The following WLS variants were observed in gnomAD, a reference collection of about 807,000 sequenced individuals.
WLS encodes Wnt ligand secretion mediator, also known as protein wntless homolog.
WLS carries 23 observed loss-of-function variants against 62.8 expected under a neutral mutation model. That is an observed-to-expected ratio of 0.37 (90% confidence interval 0.26 to 0.52). The LOEUF (loss-of-function observed/expected upper bound fraction) is 0.52. Among genes scored for constraint, WLS ranks in the 20% least tolerant of loss-of-function variants. WLS has a pLI of 0.92. For missense variants in WLS, 615 were observed against 697.3 expected (o/e 0.88, Z 1.33); for synonymous variants, 246 against 244.1 (o/e 1.01, Z -0.07).
At chr1:68,173,237 G>A (rs1005755880) in intron 2 of WLS, among the ~76,000 whole-genome samples, 51 of 152,192 alleles carry the variant, frequency 3.4e-4, no homozygotes, top group African/African-American at 1.2e-3. Flanking sequence ...AGCAAATGTG[G>A]CAACAGCACT....
At chr1:68,199,670 C>T (rs753631655) in intron 1 of WLS, among the ~76,000 whole-genome samples, 2 of 152,148 alleles carry the variant, frequency 1.3e-5, no homozygotes, top group Non-Finnish European at 2.9e-5. Flanking sequence ...AGTGCCTTGG[C>T]CTCTGCTCCC....
At position 68,194,133 on chromosome 1, in the gene WLS, T is replaced by A; in HGVS notation, c.201A>T (p.Gly67=). 20 of 1,614,114 alleles carry A rather than the reference T, an allele frequency of 1.2e-5. No individual in the cohort carries two copies. Among genetic ancestry groups the A allele is most frequent in the Non-Finnish European group, 1.6e-5 (19 of 1,180,014 alleles). The change falls in exon 2 of 12, where the codon GGA becomes GGT. Residue 67 remains glycine (G), a synonymous_variant. Transcript: ENST00000262348. ...HHKTKWFVPW[G]PNHCDKIRDI... is the part of the protein sequence containing the mutation. ...CTCGGATCTTGTCACAATGATTGGGTCCCCAAGGCACGAACCATTTTGTCT... is the reference window on the plus strand; with the variant it reads ...CTCGGATCTTGTCACAATGATTGGGACCCCAAGGCACGAACCATTTTGTCT...
In WLS at chr1:68,148,163, C is replaced by T; in HGVS notation, c.1107G>A (p.Trp369Ter). ...CCAGCTCTGTTCCAATGTCTGTAGTCCAGATACTGTAGAAGGGATTCGTGA... is the reference window on the plus strand; with the variant it reads ...CCAGCTCTGTTCCAATGTCTGTAGTTCAGATACTGTAGAAGGGATTCGTGA... ...VQLTNPFYSI[W>*]TTDIGTELAM... Residue 369 changes from tryptophan (W) to a stop codon, truncating the protein, a stop_gained, in exon 8 of 12, where the codon TGG becomes TGA. Coordinates refer to ENST00000262348, the MANE Select transcript of WLS (RefSeq NM_024911.7). LOFTEE classifies it high-confidence loss of function. 1 of 1,614,104 alleles carries T rather than the reference C, an allele frequency of 6.2e-7. No homozygotes were observed. The highest frequency in any genetic ancestry group is 8.5e-7 in the Non-Finnish European group (1 of 1,180,028).
chr1:68,209,054 G>T (rs1175409396), intron 1 of WLS, among the ~76,000 whole-genome samples: 1 of 152,168 alleles, frequency 6.6e-6, no homozygotes, highest in Non-Finnish European at 1.5e-5. Flanking sequence ...GTGGGGGTTT[G>T]GCTTGTGCAC....
At chr1:68,105,631 T>C (rs1220271527) in intron 11 of WLS, among the ~76,000 whole-genome samples, 5 of 152,222 alleles carry the variant, frequency 3.3e-5, no homozygotes, top group African/African-American at 4.8e-5. Flanking sequence ...CTCTGAACTC[T>C]GCTCAAGGTT....
At chr1:68,191,671 G>A (rs1648312918) in intron 2 of WLS, among the ~76,000 whole-genome samples, 1 of 152,174 alleles carries the variant, frequency 6.6e-6, no homozygotes, top group Non-Finnish European at 1.5e-5. Context: ...GAATAAATGT[G>A]TTGCACAACC....
chr1:68,125,304 C>T, downstream of WLS: 1 of 984,270 alleles, frequency 1.0e-6, no homozygotes, highest in Non-Finnish European at 1.2e-6. Context: ...ACCTATTTCC[C>T]CCATCAACTC....
In WLS at chr1:68,125,534, A is replaced by G. The variant is rs1436615998; in HGVS notation, c.*692T>C. 17 of 985,352 alleles carry G rather than the reference A, an allele frequency of 1.7e-5. No individual in the cohort carries two copies. The highest frequency in any genetic ancestry group is 1.8e-5 in the Non-Finnish European group (15 of 829,942). 61.0% of individuals were successfully genotyped at this position (985,352 alleles called of 1,614,324 possible). ...ACCCGAAGGCCATTTAATACAGTAA[A>G]TCTTACTTGGGTAGTTTAGCAAACA... On this transcript the variant is annotated 3_prime_UTR_variant, in exon 12 of 12. Transcript: ENST00000262348.
At chr1:68,173,127 T>C (rs1221715238) in intron 2 of WLS, among the ~76,000 whole-genome samples, 1 of 152,226 alleles carries the variant, frequency 6.6e-6, no homozygotes. Context: ...CTAAGGAATT[T>C]GTTTACCAAA....
chr1:68,229,618 T>C (rs1650320375), intron 1 of WLS, among the ~76,000 whole-genome samples: 1 of 152,208 alleles, frequency 6.6e-6, no homozygotes, highest in Non-Finnish European at 1.5e-5. Context: ...TCCTTTGTTT[T>C]CCAGCTTAGG....
At chr1:68,164,312 G>A (rs1647030159) in intron 2 of WLS, among the ~76,000 whole-genome samples, 1 of 151,862 alleles carries the variant, frequency 6.6e-6, no homozygotes, top group South Asian at 2.1e-4. Context: ...AGGCTGGAGT[G>A]CAATGGCATG....
intron 2 of WLS, among the ~76,000 whole-genome samples, chr1:68,171,437 C>T (rs996969023): frequency 6.6e-6 from 1 of 151,846 alleles, no homozygotes; most frequent in Non-Finnish European, 1.5e-5. Context: ...GGCTAATATC[C>T]AGAATCTACA....
chr1:68,099,204 T>C (rs1163656770), intron 11 of WLS, among the ~76,000 whole-genome samples: 2 of 152,100 alleles, frequency 1.3e-5, no homozygotes, highest in African/African-American at 4.8e-5. Context: ...AATTTATTTT[T>C]ATTTTTTTTT....
chr1:68,196,686 C>T (rs1387865631), intron 1 of WLS, among the ~76,000 whole-genome samples: 1 of 152,096 alleles, frequency 6.6e-6, no homozygotes, highest in African/African-American at 2.4e-5. Flanking sequence ...GAAAACTCAA[C>T]ACTACTAAGC....
chr1:68,110,881 C>T (rs953155560), intron 11 of WLS, among the ~76,000 whole-genome samples: 1 of 151,884 alleles, frequency 6.6e-6, no homozygotes, highest in Non-Finnish European at 1.5e-5. Flanking sequence ...CTCTTACATA[C>T]AAAAATTAAT....
At chr1:68,115,490 G>T (rs949873882) in intron 11 of WLS, among the ~76,000 whole-genome samples, 5 of 152,204 alleles carry the variant, frequency 3.3e-5, no homozygotes, top group African/African-American at 1.2e-4. Context: ...AATGAAGTCA[G>T]TCGGGCACAG....
chr1:68,172,832 A>G (rs1647174810), intron 2 of WLS, among the ~76,000 whole-genome samples: 1 of 152,210 alleles, frequency 6.6e-6, no homozygotes, highest in African/African-American at 2.4e-5. Context: ...CAACTAATTC[A>G]ATATGGCAGG....
intron 2 of WLS, among the ~76,000 whole-genome samples, chr1:68,177,283 A>G (rs1460344961): frequency 6.6e-6 from 1 of 152,180 alleles, no homozygotes; most frequent in Non-Finnish European, 1.5e-5. Flanking sequence ...CAGGGCTTCC[A>G]TTGAAATATG....
intron 11 of WLS, 101 bp from the exon 12 acceptor site, chr1:68,126,436 A>T: frequency 6.8e-7 from 1 of 1,476,274 alleles, no homozygotes; most frequent in Non-Finnish European, 9.2e-7. Context: ...CCTCTTTGAC[A>T]TTCTGAGCAC....
Sources: allele counts gnomAD v4.1 joint callset (sites outside exome capture counted in the v4.1 genomes callset), GRCh38; gene constraint gnomAD v4.1.1; transcripts MANE v1.5; gene names NCBI Gene and HGNC (gene_info 2026-07-23, HGNC 2026-07-21).